The following ARMC9 variants were observed in gnomAD, a reference collection of about 807,000 sequenced individuals.
ARMC9 encodes lisH domain-containing protein ARMC9.
In ARMC9, 94 loss-of-function variants were observed where a neutral mutation model predicts 107.0. The observed-to-expected ratio is 0.88, with a 90% CI of 0.74 to 1.04. ARMC9 has a LOEUF of 1.04. Ranked by LOEUF, ARMC9 falls within the 50% of genes least tolerant of loss-of-function variation. ARMC9 has a pLI of 0.00. For synonymous variants in ARMC9, 380 were observed against 396.9 expected (o/e 0.96, Z 0.51); for missense variants, 942 against 1,030.1 (o/e 0.91, Z 1.17).
At chr2:231,243,020 G>T (rs1479554708) in intron 9 of ARMC9, among the ~76,000 whole-genome samples, 1 of 152,174 alleles carries the variant, frequency 6.6e-6, no homozygotes, top group Non-Finnish European at 1.5e-5. Flanking sequence ...GCCGAGGCGG[G>T]CAGATGACAA....
intron 19 of ARMC9, among the ~76,000 whole-genome samples, chr2:231,296,940 G>A (rs1419962988): frequency 6.6e-6 from 1 of 152,156 alleles, no homozygotes; most frequent in Non-Finnish European, 1.5e-5. Flanking sequence ...TTCATTTGCA[G>A]GGAGCAGTTA....
At chr2:231,300,881 G>A (rs2041678812) in intron 19 of ARMC9, among the ~76,000 whole-genome samples, 2 of 152,160 alleles carry the variant, frequency 1.3e-5, no homozygotes, top group African/African-American at 4.8e-5. Context: ...GGGTAAAGAG[G>A]AAGTGAGATG....
Position 231,256,579 on chromosome 2 carries a change from C to T in ARMC9, c.880-7C>T, listed in dbSNP as rs540126371. ...CCATCTGTTTTCTTCTGTCCTCTTCCCCCCAGGCATCCACCATGTTACGAG... is the reference window on the plus strand; with the variant it reads ...CCATCTGTTTTCTTCTGTCCTCTTCTCCCCAGGCATCCACCATGTTACGAG... On this transcript the variant is annotated splice_polypyrimidine_tract_variant and splice_region_variant and intron_variant, in intron 9 of 24. Transcript: ENST00000611582. 20 of 1,613,982 alleles carry T rather than the reference C, an allele frequency of 1.2e-5. No individual in the cohort carries two copies. In the Middle Eastern group the frequency reaches 6.6e-4, roughly 53 times the overall value.
At chr2:231,200,977 AC>A (rs1365744636) in intron 1 of ARMC9, among the ~76,000 whole-genome samples, 1 of 152,168 alleles carries the variant, frequency 6.6e-6, no homozygotes, top group Admixed American at 6.5e-5. Flanking sequence ...TACATCAACC[AC>A]AGGCTTAGGA....
At chr2:231,287,700 G>A (rs1318650626) in intron 17 of ARMC9, among the ~76,000 whole-genome samples, 1 of 152,032 alleles carries the variant, frequency 6.6e-6, no homozygotes, top group East Asian at 1.9e-4. Flanking sequence ...ATGTAATCAT[G>A]TCATGTAATC....
chr2:231,263,996 A>G (rs2038623109), intron 12 of ARMC9, among the ~76,000 whole-genome samples: 1 of 152,096 alleles, frequency 6.6e-6, no homozygotes, highest in African/African-American at 2.4e-5. Context: ...AGTCAATGGC[A>G]TTTTACAGTT....
intron 21 of ARMC9, 130 bp from the exon 22 acceptor site, chr2:231,355,668 A>G: frequency 8.7e-7 from 1 of 1,153,868 alleles, no homozygotes; most frequent in Non-Finnish European, 1.2e-6. Flanking sequence ...AAGGTCTGAT[A>G]TGCTAATGAT....
chr2:231,289,854 T>G (rs924938514), intron 17 of ARMC9, among the ~76,000 whole-genome samples: 7 of 152,198 alleles, frequency 4.6e-5, no homozygotes, highest in African/African-American at 1.7e-4. Flanking sequence ...AACCCTCTGC[T>G]CTTCTCTCAC....
chr2:231,281,369 G>T (rs543005230), intron 16 of ARMC9, among the ~76,000 whole-genome samples: 2 of 152,212 alleles, frequency 1.3e-5, no homozygotes, highest in South Asian at 4.2e-4. Flanking sequence ...CCTGGTGGGG[G>T]GCATCCCTTA....
At position 231,272,935 on chromosome 2, in the gene ARMC9, C is replaced by A. The variant is rs776311851; in HGVS notation, c.1211-20C>A. On this transcript the variant is annotated intron_variant, in intron 13 of 24. Coordinates refer to ENST00000611582, the MANE Select transcript of ARMC9 (RefSeq NM_001352754.2). Reference sequence around the variant, plus strand: ...AATTATTTCTGTCTTTCACCTGTTTCATCTCTGGTGTATTATCAGGTCGCC... The same window carrying A: ...AATTATTTCTGTCTTTCACCTGTTTAATCTCTGGTGTATTATCAGGTCGCC... 1.9e-6 allele frequency: 3 copies of A among 1,604,114 alleles called. No individual in the cohort carries two copies. The highest frequency in any genetic ancestry group is 2.5e-6 in the Non-Finnish European group (3 of 1,177,084).
At chr2:231,329,599 G>A (rs866932607) in intron 19 of ARMC9, among the ~76,000 whole-genome samples, 18 of 152,174 alleles carry the variant, frequency 1.2e-4, no homozygotes, top group Non-Finnish European at 2.1e-4. Flanking sequence ...GTGAGCCACC[G>A]CGCCCGGCAG....
chr2:231,359,785 G>A (rs1179270416), intron 22 of ARMC9, among the ~76,000 whole-genome samples: 9 of 152,334 alleles, frequency 5.9e-5, no homozygotes, highest in East Asian at 5.8e-4. Context: ...GGTGGAGACC[G>A]CCCAGTGCCA....
In ARMC9 at chr2:231,208,267, A is replaced by C; in HGVS notation, c.177+15A>C. ...TGACAATTCAGGTAACATTTTGCTTATTTTTCATCCCTGTAGATAATTCAG... is the reference window on the plus strand; with the variant it reads ...TGACAATTCAGGTAACATTTTGCTTCTTTTTCATCCCTGTAGATAATTCAG... On this transcript the variant is annotated intron_variant, in intron 3 of 24. Coordinates refer to ENST00000611582, the MANE Select transcript of ARMC9 (RefSeq NM_001352754.2). The C allele has an allele frequency of 1.3e-6, 2 of 1,589,518 alleles. No individual in the cohort carries two copies. Among genetic ancestry groups the C allele is most frequent in the South Asian group, 2.2e-5 (2 of 89,576 alleles).
chr2:231,265,375 G>A (rs934683405), intron 12 of ARMC9, among the ~76,000 whole-genome samples: 3 of 152,140 alleles, frequency 2.0e-5, no homozygotes, highest in Non-Finnish European at 2.9e-5. Context: ...AGTGGATAAA[G>A]AAAATGTAAT....
Position 231,344,975 on chromosome 2 carries a change from A to T in ARMC9, c.1879A>T (p.Ile627Phe). Residue 627 changes from isoleucine (I) to phenylalanine (F), a missense_variant and splice_region_variant, in exon 21 of 25, where the codon ATC (isoleucine) becomes TTC (phenylalanine). Ile to Phe is a conservative substitution (Grantham distance 21). Transcript: ENST00000611582. ...EKLLTTEYLG[I>F]MTNTGKTRRK... ...CCTTTTTTCTCTTTCCTTCCACCAG[A>T]TCATGACCAACACGGGGAAGACAAG... The T allele has an allele frequency of 6.2e-7, 1 of 1,613,948 alleles. No individual in the cohort carries two copies. The highest frequency in any genetic ancestry group is 8.5e-7 in the Non-Finnish European group (1 of 1,179,984).
chr2:231,216,884 AAAAAACTAAAATTTGCTTACAT>A, intron 5 of ARMC9, 91 bp downstream of exon 5: 2 of 1,410,304 alleles, frequency 1.4e-6, no homozygotes, highest in Non-Finnish European at 1.9e-6. Context: ...TGATGCTTTA[AAAAAACTAAAATTTGCTTACAT>A]TAGTATTATT....
At chr2:231,216,449 T>C (rs1470915281) in intron 4 of ARMC9, among the ~76,000 whole-genome samples, 189 bp from the exon 5 acceptor site, 1 of 152,208 alleles carries the variant, frequency 6.6e-6, no homozygotes, top group Non-Finnish European at 1.5e-5. Context: ...CTGATCTTCC[T>C]GACATAGTCT....
chr2:231,260,213 TTTGA>T (rs941164899), intron 11 of ARMC9, among the ~76,000 whole-genome samples: 1 of 152,182 alleles, frequency 6.6e-6, no homozygotes, highest in African/African-American at 2.4e-5. Context: ...CTGCTTTGTG[TTTGA>T]TTGTCAGTGT....
chr2:231,230,811 A>T (rs1240112822), intron 7 of ARMC9, among the ~76,000 whole-genome samples: 1 of 152,206 alleles, frequency 6.6e-6, no homozygotes, highest in Non-Finnish European at 1.5e-5. Flanking sequence ...TACGACATGA[A>T]AATGATATGA....
Sources: gnomAD v4.1 joint callset for allele counts (sites outside exome capture counted in the v4.1 genomes callset) on GRCh38, gnomAD v4.1.1 for gene constraint, MANE v1.5 for transcripts, NCBI Gene and HGNC (gene_info 2026-07-23, HGNC 2026-07-21) for gene names.